The following LRBA variants were observed in gnomAD, a reference collection of about 807,000 sequenced individuals.
LRBA encodes lipopolysaccharide-responsive and beige-like anchor protein.
Under a neutral mutation model 330.0 loss-of-function variants are expected in LRBA, and 176 were observed. That is an observed-to-expected ratio of 0.53 (90% CI 0.47 to 0.60). LRBA has a LOEUF of 0.60. Among genes scored for constraint, LRBA ranks in the 20% least tolerant of loss-of-function variants. The pLI is 0.00. For synonymous variants in LRBA, 1,230 were observed against 1,193.0 expected, an observed-to-expected ratio of 1.03 and a Z score of -0.64; for missense variants, 3,259 against 3,444.8, an observed-to-expected ratio of 0.95 and a Z score of 1.35.
intron 22 of LRBA, among the ~76,000 whole-genome samples, chr4:150,855,411 A>G (rs1361869480): frequency 6.6e-6 from 1 of 152,224 alleles, no homozygotes; most frequent in Non-Finnish European, 1.5e-5. Flanking sequence ...ATTTATTTCT[A>G]CAATAGCCTG....
intron 40 of LRBA, among the ~76,000 whole-genome samples, chr4:150,571,948 A>G (rs1388170371): frequency 6.6e-6 from 1 of 151,890 alleles, no homozygotes; most frequent in Non-Finnish European, 1.5e-5. Flanking sequence ...AGTTATAAAT[A>G]TTATCATCTC....
At chr4:150,914,546 G>A (rs1412715534) in intron 8 of LRBA, among the ~76,000 whole-genome samples, 1 of 152,088 alleles carries the variant, frequency 6.6e-6, no homozygotes, top group Non-Finnish European at 1.5e-5. Context: ...TGAAACACAT[G>A]TGTTCTCAAG....
intron 47 of LRBA, among the ~76,000 whole-genome samples, chr4:150,354,785 T>C (rs1180641394): frequency 6.6e-6 from 1 of 152,128 alleles, no homozygotes; most frequent in African/African-American, 2.4e-5. Flanking sequence ...AAAAGTACAG[T>C]ATACAGATGT....
intron 38 of LRBA, among the ~76,000 whole-genome samples, chr4:150,596,457 C>A (rs1773497437): frequency 6.6e-6 from 1 of 151,774 alleles, no homozygotes; most frequent in African/African-American, 2.4e-5. Context: ...TAAGATTCTG[C>A]ATTTTTAAAA....
At chr4:150,979,108 A>T (rs780370846) in intron 2 of LRBA, among the ~76,000 whole-genome samples, 5 of 152,202 alleles carry the variant, frequency 3.3e-5, no homozygotes, top group African/African-American at 1.2e-4. Context: ...ACTCCCAAAG[A>T]TCAATAATAA....
rs72721706 is a variant in LRBA, at chr4:150,955,942, C to T, written c.217-26877G>A. Among the ~76,000 whole-genome samples, 202 of 148,034 alleles carry T rather than the reference C, an allele frequency of 1.4e-3. 4 individuals carry two copies. Among genetic ancestry groups the T allele is most frequent in the Middle Eastern group, 6.8e-3 (2 of 292 alleles). On this transcript the variant is annotated intron_variant, in intron 2 of 56. Coordinates refer to ENST00000651943, the MANE Select transcript of LRBA (RefSeq NM_001364905.1). ...TCCATCTTAAACCCTACAAAAGAAG[C>T]GCATAGTAAACCTAAAGCAAGCAAA...
At chr4:150,362,283 C>T (rs532731460) in intron 47 of LRBA, among the ~76,000 whole-genome samples, 1 of 152,244 alleles carries the variant, frequency 6.6e-6, no homozygotes, top group East Asian at 1.9e-4. Context: ...CAATAAGCCT[C>T]CTAAATATCT....
At chr4:150,654,204 T>A (rs1281746947) in intron 37 of LRBA, among the ~76,000 whole-genome samples, 1 of 152,202 alleles carries the variant, frequency 6.6e-6, no homozygotes, top group Non-Finnish European at 1.5e-5. Flanking sequence ...TTTTTGTTGT[T>A]GAGACAGAGT....
intron 9 of LRBA, among the ~76,000 whole-genome samples, chr4:150,911,966 C>A (rs1023229058): frequency 1.3e-5 from 2 of 151,790 alleles, no homozygotes; most frequent in African/African-American, 4.8e-5. Flanking sequence ...CTAAATTATC[C>A]GATTTGTTGG....
At position 150,265,748 on chromosome 4, in the gene LRBA, GCC is replaced by G; in HGVS notation, c.8531_8532del (p.Trp2844SerfsTer3). Reference protein sequence around the residue: ...IVLFYNDFNRWHHEYQTRY With the variant: ...IVLFYNDFNRXHHEYQTRY ...CAGTAGCGGGTTTGGTATTCATGATGCCACCGGTTAAAGTCGTTGTAAAATAG... is the reference window on the plus strand; with the variant it reads ...CAGTAGCGGGTTTGGTATTCATGATGACCGGTTAAAGTCGTTGTAAAATAG... On this transcript the variant is annotated frameshift_variant, in exon 57 of 57. Transcript: ENST00000651943. LOFTEE classifies it high-confidence loss of function. The G allele has an allele frequency of 6.2e-7, 1 of 1,613,464 alleles. No homozygotes were observed.
intron 4 of LRBA, among the ~76,000 whole-genome samples, chr4:150,928,098 T>G (rs577084893): frequency 6.6e-6 from 1 of 152,334 alleles, no homozygotes; most frequent in East Asian, 1.9e-4. Context: ...ACTCCTAAGT[T>G]GCATCTCAAG....
At chr4:151,009,785 C>G (rs973765372) in intron 2 of LRBA, among the ~76,000 whole-genome samples, 3 of 151,850 alleles carry the variant, frequency 2.0e-5, no homozygotes, top group Non-Finnish European at 2.9e-5. Flanking sequence ...TCCAGGCCAT[C>G]CTGGCTAACA....
In LRBA at chr4:150,850,723, CCTT is replaced by C; in HGVS notation, c.4002_4004del (p.Arg1334del). 6.3e-7 allele frequency: 1 copy of C among 1,599,058 alleles called. No homozygotes were observed. The highest frequency in any genetic ancestry group is 8.6e-7 in the Non-Finnish European group (1 of 1,168,942). On this transcript the variant is annotated inframe_deletion and splice_region_variant, in exon 24 of 57. Transcript: ENST00000651943. ...CTTCCATAATAAACATATAGACAAA[CCTT>C]CTCCACATCTGTATATCTGTTTCTA...
chr4:150,852,642 T>C lies in LRBA; in HGVS notation c.3068A>G (p.Gln1023Arg). 6.2e-7 allele frequency: 1 copy of C among 1,614,108 alleles called. No homozygotes were observed. Among genetic ancestry groups the C allele is most frequent in the South Asian group, 1.1e-5 (1 of 91,082 alleles). Residue 1023 changes from glutamine (Q) to arginine (R), a missense_variant, in exon 23 of 57, where the codon CAA (glutamine) becomes CGA (arginine). Transcript: ENST00000651943. The stretch of plus-strand genomic sequence containing the variant: ...TTCATCTGGTAACTCCTGATTTTCT[T>C]GCTCAGCTTTCATTTCTTCATAAGA... ...NTSYEEMKAE[Q>R]ENQELPDEGT...
At chr4:151,012,969 T>A (rs1745025206) in intron 2 of LRBA, 1 of 152,170 alleles carries the variant, frequency 6.6e-6, no homozygotes, top group Non-Finnish European at 1.5e-5. Flanking sequence ...TTCACCATGT[T>A]GACTAGGCCA....
At chr4:150,268,199 C>A (rs968207712) in intron 56 of LRBA, among the ~76,000 whole-genome samples, 1 of 151,826 alleles carries the variant, frequency 6.6e-6, no homozygotes, top group African/African-American at 2.4e-5. Flanking sequence ...ATGAAATAGA[C>A]AAATTCCTGA....
chr4:150,463,404 A>G (rs1410304642), intron 44 of LRBA, among the ~76,000 whole-genome samples: 10 of 152,024 alleles, frequency 6.6e-5, no homozygotes. Context: ...AAAATTTCTA[A>G]AAATATAAAA....
intron 40 of LRBA, among the ~76,000 whole-genome samples, chr4:150,498,888 T>C (rs1759902652): frequency 6.6e-6 from 1 of 152,190 alleles, no homozygotes; most frequent in Non-Finnish European, 1.5e-5. Context: ...ATCTGGTGTC[T>C]TTACAAGTTA....
At chr4:150,641,240 A>G (rs1412496734) in intron 37 of LRBA, among the ~76,000 whole-genome samples, 1 of 152,192 alleles carries the variant, frequency 6.6e-6, no homozygotes, top group Admixed American at 6.5e-5. Context: ...AATCCTCAAT[A>G]TCCTCAAAAT....
Sources: allele counts gnomAD v4.1 joint callset (sites outside exome capture counted in the v4.1 genomes callset), GRCh38; gene constraint gnomAD v4.1.1; transcripts MANE v1.5; gene names NCBI Gene and HGNC (gene_info 2026-07-23, HGNC 2026-07-21).